The following MAP3K20 variants were observed in gnomAD, a reference collection of about 807,000 sequenced individuals.
The protein encoded by MAP3K20 is HCCS-4.
In MAP3K20, 40 loss-of-function variants were observed where a neutral mutation model predicts 85.7. That is an observed-to-expected ratio of 0.47 (90% confidence interval 0.36 to 0.61). MAP3K20 has a LOEUF of 0.61. MAP3K20 is among the 20% of genes least tolerant of loss of function. MAP3K20 has a pLI of 0.00. For synonymous variants in MAP3K20, 325 were observed against 327.7 expected (o/e 0.99, Z 0.09); for missense variants, 817 against 961.7 (o/e 0.85, Z 1.99).
chr2:173,195,491 C>G (rs576381010), intron 7 of MAP3K20, among the ~76,000 whole-genome samples: 1 of 152,158 alleles, frequency 6.6e-6, no homozygotes, highest in Non-Finnish European at 1.5e-5. Flanking sequence ...TAAAATGAGT[C>G]GGAAAATATT....
intron 1 of MAP3K20, among the ~76,000 whole-genome samples, chr2:173,076,608 C>T (rs1479369498): frequency 6.6e-6 from 1 of 152,272 alleles, no homozygotes; most frequent in Admixed American, 6.5e-5. Context: ...TGCGAATAAC[C>T]AGCAGGAACA....
rs1330298903 is a variant in MAP3K20, at chr2:173,239,430, T to G, written c.1293T>G (p.Asn431Lys). ...IKDSGGEPEE[N>K]EEKIVNLELV... ...ACTCAGGAGGTGAACCTGAAGAAAA[T>G]GAGGAAAAAATAGTGAACCTGGAAC... is the stretch of plus-strand genomic sequence containing the variant. Residue 431 changes from asparagine (N) to lysine (K), a missense_variant, in exon 16 of 20, where the codon AAT becomes AAG. This residue lies in a region of MAP3K20 where 454 missense variants were observed against 476.9 expected (regional missense o/e 0.95). Transcript: ENST00000375213. 2 of 1,613,186 alleles carry G rather than the reference T, an allele frequency of 1.2e-6. No homozygotes were observed. The highest frequency in any genetic ancestry group is 1.7e-6 in the Non-Finnish European group (2 of 1,179,814).
At chr2:173,081,713 A>C (rs925862544) in intron 1 of MAP3K20, among the ~76,000 whole-genome samples, 20 of 152,178 alleles carry the variant, frequency 1.3e-4, no homozygotes, top group Admixed American at 9.8e-4. Context: ...GAAGATGGCC[A>C]AATCGTTTCC....
chr2:173,219,452 A>C (rs1684170388), intron 11 of MAP3K20, among the ~76,000 whole-genome samples: 1 of 152,208 alleles, frequency 6.6e-6, no homozygotes, highest in South Asian at 2.1e-4. Context: ...ATATAGGCTT[A>C]TCTGAGACAC....
chr2:173,086,534 G>A lies in MAP3K20; in HGVS notation c.-34-4464G>A, dbSNP rs576344082. ...TTCAGATGGAACTTAATTTTTTATGGTTTCAATAAAACATTCAAGTAATTG... is the reference window on the plus strand; with the variant it reads ...TTCAGATGGAACTTAATTTTTTATGATTTCAATAAAACATTCAAGTAATTG... On this transcript the variant is annotated intron_variant, in intron 1 of 19. Coordinates refer to ENST00000375213, the MANE Select transcript of MAP3K20 (RefSeq NM_016653.3). 2.0e-5 allele frequency among the ~76,000 whole-genome samples: 3 copies of A among 152,222 alleles called. No individual in the cohort carries two copies. The South Asian group carries it at 6.2e-4, about 32-fold the overall frequency.
chr2:173,122,891 C>T, intron 2 of MAP3K20, among the ~76,000 whole-genome samples: 1 of 152,134 alleles, frequency 6.6e-6, no homozygotes, highest in East Asian at 1.9e-4. Flanking sequence ...CCAAAGAAAC[C>T]AGGAAGCTCA....
chr2:173,124,882 G>A (rs991637289), intron 2 of MAP3K20, among the ~76,000 whole-genome samples: 2 of 152,204 alleles, frequency 1.3e-5, no homozygotes, highest in African/African-American at 4.8e-5. Flanking sequence ...CAGCACTTTG[G>A]GAGTCTGAGG....
intron 15 of MAP3K20, 115 bp from the exon 16 acceptor site, chr2:173,239,289 A>G (rs1401299704): frequency 1.3e-6 from 1 of 798,814 alleles, no homozygotes; most frequent in Admixed American, 3.5e-5. Context: ...AAAATAACCA[A>G]AAGTTAATAG....
At chr2:173,208,905 C>T (rs1683781944) in intron 9 of MAP3K20, among the ~76,000 whole-genome samples, 1 of 152,162 alleles carries the variant, frequency 6.6e-6, no homozygotes, top group Non-Finnish European at 1.5e-5. Context: ...TCAACCTTGG[C>T]TAGAGTCTAA....
chr2:173,258,280 T>C (rs1685204715), intron 16 of MAP3K20, among the ~76,000 whole-genome samples: 1 of 152,196 alleles, frequency 6.6e-6, no homozygotes, highest in Non-Finnish European at 1.5e-5. Flanking sequence ...AAGAGGGCCT[T>C]ATGTTTCAAG....
intron 2 of MAP3K20, among the ~76,000 whole-genome samples, chr2:173,106,825 G>A (rs139072436): frequency 6.6e-6 from 1 of 152,332 alleles, no homozygotes; most frequent in Non-Finnish European, 1.5e-5. Flanking sequence ...GAGGCAGGAA[G>A]CTGGAAATAC....
chr2:173,108,845 C>T (rs1182556104), intron 2 of MAP3K20, among the ~76,000 whole-genome samples: 1 of 152,198 alleles, frequency 6.6e-6, no homozygotes, highest in Non-Finnish European at 1.5e-5. Flanking sequence ...ACAGTGAGCA[C>T]ATTCTATTTT....
At chr2:173,124,358 C>G (rs769815189) in intron 2 of MAP3K20, among the ~76,000 whole-genome samples, 1 of 152,116 alleles carries the variant, frequency 6.6e-6, no homozygotes, top group East Asian at 1.9e-4. Context: ...GCTACTAGCT[C>G]CAGGCCTGAT....
intron 2 of MAP3K20, among the ~76,000 whole-genome samples, chr2:173,154,688 C>T (rs563168297): frequency 4.6e-5 from 7 of 152,316 alleles, no homozygotes; most frequent in African/African-American, 1.7e-4. Context: ...CACTCTGATG[C>T]ACTCTGCCAT....
At chr2:173,144,406 T>A (rs1228638431) in intron 2 of MAP3K20, among the ~76,000 whole-genome samples, 3 of 130,572 alleles carry the variant, frequency 2.3e-5, no homozygotes, top group African/African-American at 5.9e-5. Context: ...GAGCTTGCAG[T>A]GAGCCGAGGT....
At chr2:173,250,076 A>G (rs1391928274) in intron 16 of MAP3K20, among the ~76,000 whole-genome samples, 1 of 152,220 alleles carries the variant, frequency 6.6e-6, no homozygotes, top group African/African-American at 2.4e-5. Context: ...GCAATAAAAC[A>G]TCAGTTATTT....
chr2:173,139,270 C>G (rs1688898252), intron 2 of MAP3K20, among the ~76,000 whole-genome samples: 1 of 152,096 alleles, frequency 6.6e-6, no homozygotes, highest in Non-Finnish European at 1.5e-5. Context: ...TTTAATTGAC[C>G]ATATTTCCGA....
At chr2:173,237,019 CTTTTTTTTT>C (rs368196400) in intron 14 of MAP3K20, among the ~76,000 whole-genome samples, 2 of 75,540 alleles carry the variant, frequency 2.6e-5, no homozygotes, top group African/African-American at 5.4e-5. Context: ...GTATATCCAC[CTTTTTTTTT>C]TTTTTTTTTT....
At position 173,190,931 on chromosome 2, in the gene MAP3K20, T is replaced by C. The variant is rs2106274708; in HGVS notation, c.444+8T>C. The C allele has an allele frequency of 6.2e-7, 1 of 1,603,790 alleles. No individual in the cohort carries two copies. Among genetic ancestry groups the C allele is most frequent in the Non-Finnish European group, 8.5e-7 (1 of 1,173,840 alleles). On this transcript the variant is annotated splice_region_variant and intron_variant, in intron 6 of 19. Transcript: ENST00000375213. Reference sequence around the variant, plus strand: ...GCTGATGGAGTATTGAAGGTAGGACTATTTCTTTTACTTAAAAAAATTGTT... The same window carrying C: ...GCTGATGGAGTATTGAAGGTAGGACCATTTCTTTTACTTAAAAAAATTGTT...
Sources: gnomAD v4.1 joint callset for allele counts (sites outside exome capture counted in the v4.1 genomes callset) on GRCh38, gnomAD v4.1.1 for gene constraint, gnomAD v4.1.1 regional missense constraint, MANE v1.5 for transcripts, NCBI Gene and HGNC (gene_info 2026-07-23, HGNC 2026-07-21) for gene names.